Variants in GALNT18 observed in about 807,000 individuals in gnomAD.
GALNT18 encodes the protein polypeptide N-acetylgalactosaminyltransferase 18.
Under a neutral mutation model 69.5 loss-of-function variants are expected in GALNT18, and 44 were observed. The ratio of observed to expected loss-of-function variants is 0.63; its 90% CI spans 0.50 to 0.81. The LOEUF (loss-of-function observed/expected upper bound fraction) is 0.81. GALNT18 is among the 40% of genes least tolerant of loss of function. The pLI is 0.00. For missense variants in GALNT18, 715 were observed against 810.0 expected (o/e 0.88, Z 1.42); for synonymous variants, 364 against 318.2 (o/e 1.14, Z -1.53).
At chr11:11,488,686 C>A (rs1856693705) in intron 1 of GALNT18, among the ~76,000 whole-genome samples, 1 of 152,170 alleles carries the variant, frequency 6.6e-6, no homozygotes, top group African/African-American at 2.4e-5. Context: ...CCCTTGGCAG[C>A]AAAGTACATG....
rs934363460 is a variant in GALNT18 at position 11,614,545 on chromosome 11, A to T, written c.235+6814T>A. 2.0e-5 allele frequency among the ~76,000 whole-genome samples: 3 copies of T among 152,180 alleles called. No individual in the cohort carries two copies. The South Asian group carries it at 6.2e-4, about 31-fold the overall frequency. ...CTCAAACACTGGGGACCACATTTCA[A>T]CATGAGATTTGGAGGGTACAAACAT... is the stretch of plus-strand genomic sequence containing the variant. On this transcript the variant is annotated intron_variant, in intron 1 of 10. Coordinates refer to ENST00000227756, the MANE Select transcript of GALNT18 (RefSeq NM_198516.3). This position sits in a 1 kb window ranked among gnomAD's most constrained non-coding sequence, Gnocchi z 5.6.
chr11:11,558,705 C>A (rs1291621473), intron 1 of GALNT18, among the ~76,000 whole-genome samples: 1 of 152,272 alleles, frequency 6.6e-6, no homozygotes, highest in Non-Finnish European at 1.5e-5. Context: ...TGGATTTCCA[C>A]AGCTTCCCTG....
Position 11,543,780 on chromosome 11 carries a change from G to T in GALNT18, c.235+77579C>A, listed in dbSNP as rs531272393. Among the ~76,000 whole-genome samples the T allele has an allele frequency of 3.9e-5, 6 of 152,318 alleles. No individual in the cohort carries two copies. In the East Asian group the frequency reaches 1.2e-3, roughly 29 times the overall value. On this transcript the variant is annotated intron_variant, in intron 1 of 10. Transcript: ENST00000227756. The surrounding 1 kb of genome is among the most constrained non-coding windows in gnomAD (Gnocchi z 5.1). ...CCCATGGCTCTGTGATGTGACTGGG[G>T]CCCCGAATGTGCCACGGTGGGTGGG...
At chr11:11,509,652 C>A (rs1465003723) in intron 1 of GALNT18, among the ~76,000 whole-genome samples, 1 of 152,222 alleles carries the variant, frequency 6.6e-6, no homozygotes, top group South Asian at 2.1e-4. Context: ...CTCTCCATGC[C>A]TCCAGTCATT....
At chr11:11,482,025 T>C (rs10765856) in intron 1 of GALNT18, among the ~76,000 whole-genome samples, 60,271 of 152,166 alleles carry the variant, frequency 0.4, 13,197 homozygotes, top group South Asian at 0.54. Context: ...CACACTGAAT[T>C]ATGATTGCCG....
chr11:11,493,078 T>C (rs1231793526), intron 1 of GALNT18, among the ~76,000 whole-genome samples: 1 of 151,804 alleles, frequency 6.6e-6, no homozygotes, highest in East Asian at 1.9e-4. Flanking sequence ...CTGGCCAGTA[T>C]GGTGAAACCC....
At chr11:11,388,025 A>C (rs2133708578) in intron 3 of GALNT18, among the ~76,000 whole-genome samples, 1 of 152,328 alleles carries the variant, frequency 6.6e-6, no homozygotes, top group South Asian at 2.1e-4. Context: ...AAGTCGATTG[A>C]TACTAAAGGA....
At chr11:11,416,405 C>G (rs900689230) in intron 3 of GALNT18, among the ~76,000 whole-genome samples, 4 of 152,200 alleles carry the variant, frequency 2.6e-5, no homozygotes, top group Non-Finnish European at 5.9e-5. Flanking sequence ...TCGGGACACC[C>G]TGCCAAGGAT....
At chr11:11,552,301 G>A (rs186342168) in intron 1 of GALNT18, among the ~76,000 whole-genome samples, 1 of 152,132 alleles carries the variant, frequency 6.6e-6, no homozygotes, top group Non-Finnish European at 1.5e-5. Flanking sequence ...CCCCAAAAAA[G>A]CTAGAAACTC....
At chr11:11,501,928 T>G (rs1856980277) in intron 1 of GALNT18, among the ~76,000 whole-genome samples, 1 of 152,230 alleles carries the variant, frequency 6.6e-6, no homozygotes, top group African/African-American at 2.4e-5. Flanking sequence ...CAGAGAGGCC[T>G]GAGATCTTGC....
intron 10 of GALNT18, among the ~76,000 whole-genome samples, chr11:11,288,298 C>T (rs1849230336): frequency 6.6e-6 from 1 of 152,206 alleles, no homozygotes; most frequent in Admixed American, 6.5e-5. Context: ...ATTCCTACTA[C>T]TAAAATATGC....
intron 1 of GALNT18, among the ~76,000 whole-genome samples, chr11:11,588,041 G>A (rs1859267540): frequency 6.6e-6 from 1 of 151,826 alleles, no homozygotes; most frequent in African/African-American, 2.4e-5. Context: ...CCAACTTTCT[G>A]CAGTTGAAAT....
chr11:11,612,427 C>G (rs549685969), intron 1 of GALNT18, among the ~76,000 whole-genome samples: 6 of 152,320 alleles, frequency 3.9e-5, no homozygotes, highest in African/African-American at 1.4e-4. Context: ...TCTCATTTGT[C>G]GCTTCAAATC....
chr11:11,530,924 G>A (rs964670843), intron 1 of GALNT18, among the ~76,000 whole-genome samples: 4 of 152,212 alleles, frequency 2.6e-5, no homozygotes, highest in Non-Finnish European at 4.4e-5. Context: ...GTGGGAGAGA[G>A]TCTACCAGAG....
At chr11:11,344,231 T>TA (rs978250006) in intron 6 of GALNT18, among the ~76,000 whole-genome samples, 1 of 136,566 alleles carries the variant, frequency 7.3e-6, no homozygotes, top group African/African-American at 2.7e-5. Context: ...GTAGCCACGC[T>TA]ATTTTTTTTA....
chr11:11,515,856 G>C (rs4556537), intron 1 of GALNT18, among the ~76,000 whole-genome samples: 7 of 152,158 alleles, frequency 4.6e-5, no homozygotes, highest in Non-Finnish European at 8.8e-5. Context: ...CAGGTAGCAC[G>C]GCCCCATGAG....
At position 11,356,384 on chromosome 11, in the gene GALNT18, C is replaced by T. The variant is rs557694319; in HGVS notation, c.1093-15380G>A. Reference sequence around the variant, plus strand: ...GGTCTGATACCGACCAGCATGCAGACTCAGCTAAAGAAGAACAAAGAACAA... The same window carrying T: ...GGTCTGATACCGACCAGCATGCAGATTCAGCTAAAGAAGAACAAAGAACAA... On this transcript the variant is annotated intron_variant, in intron 6 of 10. Coordinates refer to ENST00000227756, the MANE Select transcript of GALNT18 (RefSeq NM_198516.3). The surrounding 1 kb of genome is among the most constrained non-coding windows in gnomAD (Gnocchi z 4.4). Among the ~76,000 whole-genome samples the T allele has an allele frequency of 6.6e-6, 1 of 152,236 alleles. No homozygotes were observed. Among genetic ancestry groups the T allele is most frequent in the South Asian group, 2.1e-4 (1 of 4,822 alleles).
In GALNT18 at chr11:11,604,832, C is replaced by T. The variant is rs760034262; in HGVS notation, c.235+16527G>A. Among the ~76,000 whole-genome samples, 1 of 152,132 alleles carries T rather than the reference C, an allele frequency of 6.6e-6. No individual in the cohort carries two copies. Among genetic ancestry groups the T allele is most frequent in the African/African-American group, 2.4e-5 (1 of 41,428 alleles). On this transcript the variant is annotated intron_variant, in intron 1 of 10. Coordinates refer to ENST00000227756, the MANE Select transcript of GALNT18 (RefSeq NM_198516.3). The surrounding 1 kb of genome is among the most constrained non-coding windows in gnomAD (Gnocchi z 5.6). Reference sequence around the variant, plus strand: ...TTTCCCGGCCCATAGCTTCATTCCACTGGTCCCCCACACCCCAAAGGCTAC... The same window carrying T: ...TTTCCCGGCCCATAGCTTCATTCCATTGGTCCCCCACACCCCAAAGGCTAC...
chr11:11,594,836 TATATAC>T (rs1452459152), intron 1 of GALNT18, among the ~76,000 whole-genome samples: 4 of 62,876 alleles, frequency 6.4e-5, no homozygotes, highest in Admixed American at 2.9e-4. Context: ...TATATATATA[TATATAC>T]ACATATACAT....
Sources: gnomAD v4.1 joint callset for allele counts (sites outside exome capture counted in the v4.1 genomes callset) on GRCh38, gnomAD v4.1.1 for gene constraint, Gnocchi (gnomAD v3.1) non-coding constraint, MANE v1.5 for transcripts, NCBI Gene and HGNC (gene_info 2026-07-23, HGNC 2026-07-21) for gene names.